Variants in PNPT1 observed in about 807,000 individuals in gnomAD.
The protein encoded by PNPT1 is polyribonucleotide nucleotidyltransferase 1, mitochondrial.
A neutral mutation model predicts 119.5 loss-of-function variants in PNPT1; 53 were observed. That is an observed-to-expected ratio of 0.44 (90% CI 0.36 to 0.56). PNPT1 has a LOEUF of 0.56. PNPT1 is among the 20% of genes least tolerant of loss of function. The probability of loss-of-function intolerance (pLI) is 0.00; values close to 1 mark genes in which losing one functional copy is unlikely to be tolerated. For missense variants in PNPT1, 948 were observed against 938.5 expected, an observed-to-expected ratio of 1.01 and a Z score of -0.13; for synonymous variants, 357 against 322.1, an observed-to-expected ratio of 1.11 and a Z score of -1.16.
At chr2:55,656,043 A>G in intron 17 of PNPT1, 88 bp downstream of exon 17, 1 of 1,476,422 alleles carries the variant, frequency 6.8e-7, no homozygotes, top group Non-Finnish European at 9.0e-7. Context: ...GTAGTAATAA[A>G]CAAAATGTAA....
In PNPT1 at chr2:55,642,335, G is replaced by A. The variant is rs182330150; in HGVS notation, c.2069+823C>T. ...TTAAAGAATTCAGTTGGCCGGGCGC[G>A]GTGGCTCAAGCCTGTAATCCCAGTA... On this transcript the variant is annotated intron_variant, in intron 25 of 27. Coordinates refer to ENST00000447944, the MANE Select transcript of PNPT1 (RefSeq NM_033109.5). Among the ~76,000 whole-genome samples the A allele has an allele frequency of 2.2e-3, 339 of 152,078 alleles. 1 individual carries two copies. Among genetic ancestry groups the A allele is most frequent in the African/African-American group, 7.8e-3 (322 of 41,486 alleles).
At chr2:55,655,472 C>T (rs1305656413) in intron 17 of PNPT1, among the ~76,000 whole-genome samples, 3 of 152,188 alleles carry the variant, frequency 2.0e-5, no homozygotes, top group African/African-American at 7.2e-5. Flanking sequence ...TAATAGACTT[C>T]CTAGTGCATA....
rs997850280 is a variant in PNPT1, at chr2:55,686,372, C to A, written c.295G>T (p.Val99Leu). ...CAGATAAATCAGCAAATACTTACCACCAAAGGCATAAACTGGGAAGGGGAA... is the reference window on the plus strand; with the variant it reads ...CAGATAAATCAGCAAATACTTACCAACAAAGGCATAAACTGGGAAGGGGAA... ...KPSPSQFMPL[V>L]VDYRQKAAAA... The change falls in exon 3 of 28, where the codon GTG becomes TTG. Residue 99 changes from valine (V) to leucine (L), a missense_variant and splice_region_variant. Transcript: ENST00000447944. 1 of 1,608,964 alleles carries A rather than the reference C, an allele frequency of 6.2e-7. No homozygotes were observed. Among genetic ancestry groups the A allele is most frequent in the Non-Finnish European group, 8.5e-7 (1 of 1,175,422 alleles).
chr2:55,647,288 TTTTA>T (rs983447204), intron 19 of PNPT1, 55 bp downstream of exon 19: 352 of 1,350,684 alleles, frequency 2.6e-4, no homozygotes, highest in African/African-American at 1.2e-3. Flanking sequence ...ATCTTTTAAT[TTTTA>T]TTTATTTATT....
intron 1 of PNPT1, among the ~76,000 whole-genome samples, chr2:55,691,878 A>ATATTTTTTTTT (rs1326804958): frequency 9.1e-5 from 3 of 33,120 alleles, no homozygotes; most frequent in East Asian, 1.1e-3. Flanking sequence ...ATATATATAT[A>ATATTTTTTTTT]TTTTTTTTTT....
rs1697189153 is a variant in PNPT1 at position 55,679,791 on chromosome 2, T to C, written c.570A>G (p.Ala190=). The part of the protein sequence containing the change: ...SDIPWNGPVG[A]VRIGIIDGEY... ...CTCCATCAATTATTCCTATTCGTAC[T>C]GCCCCTAAAATGTATTAGAATATTG... Residue 190 remains alanine, a synonymous_variant, in exon 8 of 28, where the codon GCA becomes GCG. Transcript: ENST00000447944. 1.3e-6 allele frequency: 2 copies of C among 1,598,138 alleles called. No homozygotes were observed. The highest frequency in any genetic ancestry group is 1.3e-5 in the African/African-American group (1 of 74,590).
intron 14 of PNPT1, among the ~76,000 whole-genome samples, chr2:55,661,370 C>T (rs750467119): frequency 3.1e-4 from 47 of 151,852 alleles, no homozygotes; most frequent in Non-Finnish European, 6.0e-4. Flanking sequence ...GATTACAGGC[C>T]AGGCGTGAGC....
intron 1 of PNPT1, among the ~76,000 whole-genome samples, chr2:55,688,226 G>C (rs913754127): frequency 6.6e-6 from 1 of 151,794 alleles, no homozygotes; most frequent in African/African-American, 2.4e-5. Context: ...TTTTTGTATG[G>C]ATGAGTTCTT....
At chr2:55,674,000 G>A (rs1220811333) in intron 8 of PNPT1, among the ~76,000 whole-genome samples, 1 of 152,152 alleles carries the variant, frequency 6.6e-6, no homozygotes, top group Non-Finnish European at 1.5e-5. Context: ...TGGGATTACA[G>A]GCGTGAGCCA....
rs145069656 is a variant in PNPT1 at position 55,640,663 on chromosome 2, C to T, written c.2112G>A (p.Ala704=). 1.2e-5 allele frequency: 19 copies of T among 1,593,202 alleles called. No individual in the cohort carries two copies. Among genetic ancestry groups the T allele is most frequent in the Admixed American group, 8.4e-5 (5 of 59,846 alleles). The part of the protein sequence containing the change: ...VMVKLYPNMT[A]VLLHNTQLDQ... Reference sequence around the variant, plus strand: ...CAAGTTGTGTGTTATGAAGCAGTACCGCAGTCATATTTGGATATAATTTTA... The same window carrying T: ...CAAGTTGTGTGTTATGAAGCAGTACTGCAGTCATATTTGGATATAATTTTA... Residue 704 remains alanine (A), a synonymous_variant, in exon 26 of 28, where the codon GCG becomes GCA. Transcript: ENST00000447944.
At chr2:55,678,018 G>A (rs943025868) in intron 8 of PNPT1, among the ~76,000 whole-genome samples, 2 of 152,182 alleles carry the variant, frequency 1.3e-5, no homozygotes, top group African/African-American at 4.8e-5. Flanking sequence ...TGGGATTACA[G>A]GCGTGAGCCA....
rs1481319413 is a variant in PNPT1, at chr2:55,676,903, ATT to A, written c.679+2777_679+2778del. 2.0e-5 allele frequency among the ~76,000 whole-genome samples: 3 copies of A among 152,178 alleles called. No homozygotes were observed. The East Asian group carries it at 5.8e-4, about 29-fold the overall frequency. ...GATTTGGATGACTAAATGACTAAAT[ATT>A]TTAATAATGAAATAGTAGCAATTAC... On this transcript the variant is annotated intron_variant, in intron 8 of 27. Transcript: ENST00000447944.
chr2:55,657,318 C>T (rs1292900792), intron 15 of PNPT1, among the ~76,000 whole-genome samples: 1 of 151,484 alleles, frequency 6.6e-6, no homozygotes, highest in Non-Finnish European at 1.5e-5. Flanking sequence ...AACAGAGACC[C>T]TTTTTTTAAA....
intron 1 of PNPT1, among the ~76,000 whole-genome samples, chr2:55,690,399 T>C (rs1697558201): frequency 6.6e-6 from 1 of 152,180 alleles, no homozygotes; most frequent in Non-Finnish European, 1.5e-5. Flanking sequence ...GGCAACATTC[T>C]ATCATAGTCT....
rs776762465 is a variant in PNPT1 at position 55,654,933 on chromosome 2, C to T, written c.1462G>A (p.Ala488Thr). 50 of 1,613,158 alleles carry T rather than the reference C, an allele frequency of 3.1e-5. 1 individual carries two copies. In the South Asian group the frequency reaches 5.5e-4, roughly 18 times the overall value. Reference protein sequence around the residue: ...ESNGSSSMASACGGSLALMDS... With the variant: ...ESNGSSSMASTCGGSLALMDS... ...ATTAATGCTAAACTTCCGCCACATG[C>T]AGATGCCATAGAAGATGACCCTATA... Residue 488 changes from alanine to threonine, a missense_variant, in exon 18 of 28, where the codon GCA becomes ACA. By Grantham distance (58) the Ala-to-Thr change is moderately conservative. Transcript: ENST00000447944.
At position 55,656,154 on chromosome 2, in the gene PNPT1, G is replaced by C; in HGVS notation, c.1418C>G (p.Thr473Arg). 1 of 1,613,346 alleles carries C rather than the reference G, an allele frequency of 6.2e-7. No homozygotes were observed. The highest frequency in any genetic ancestry group is 8.5e-7 in the Non-Finnish European group (1 of 1,179,614). The part of the protein sequence containing the change: ...PRDFPFTIRV[T>R]SEVLESNGSS... ...ACCATTTGACTCTAGGACTTCAGATGTAACTCTTATGGTGAAAGGAAAATC... is the reference window on the plus strand; with the variant it reads ...ACCATTTGACTCTAGGACTTCAGATCTAACTCTTATGGTGAAAGGAAAATC... The change falls in exon 17 of 28, where the codon ACA becomes AGA. Residue 473 changes from threonine (T) to arginine (R), a missense_variant. By Grantham distance (71) the Thr-to-Arg change is moderately conservative. Coordinates refer to ENST00000447944, the MANE Select transcript of PNPT1 (RefSeq NM_033109.5).
chr2:55,680,778 T>A lies in PNPT1; in HGVS notation c.518-19A>T. 6.2e-7 allele frequency: 1 copy of A among 1,613,338 alleles called. No individual in the cohort carries two copies. The highest frequency in any genetic ancestry group is 8.5e-7 in the Non-Finnish European group (1 of 1,179,760). On this transcript the variant is annotated intron_variant, in intron 6 of 27. Coordinates refer to ENST00000447944, the MANE Select transcript of PNPT1 (RefSeq NM_033109.5). ...ACGGAAGCTTAAAAAAGGAGAAAAA[T>A]CAGGGCCGAAATTAAAATTTCATTG...
intron 11 of PNPT1, among the ~76,000 whole-genome samples, chr2:55,668,733 G>A (rs1422282096): frequency 6.6e-6 from 1 of 152,136 alleles, no homozygotes; most frequent in Non-Finnish European, 1.5e-5. Flanking sequence ...CCTAGTAGCT[G>A]GGATTATAGG....
intron 23 of PNPT1, among the ~76,000 whole-genome samples, chr2:55,644,251 T>G (rs1276919193): frequency 6.6e-6 from 1 of 152,078 alleles, no homozygotes; most frequent in Non-Finnish European, 1.5e-5. Context: ...GAAAAATAAA[T>G]TAAAGCTTTT....
Sources: allele counts gnomAD v4.1 joint callset (sites outside exome capture counted in the v4.1 genomes callset), GRCh38; gene constraint gnomAD v4.1.1; transcripts MANE v1.5; gene names NCBI Gene and HGNC (gene_info 2026-07-23, HGNC 2026-07-21).